TACR3: variants seen among roughly 807,000 people sequenced by gnomAD.
TACR3 encodes the protein neuromedin-K receptor.
TACR3 carries 34 observed loss-of-function variants against 35.0 expected under a neutral mutation model. The observed-to-expected ratio is 0.97, with a 90% CI of 0.74 to 1.30. The LOEUF (loss-of-function observed/expected upper bound fraction) is 1.30. TACR3 is among the 50% of genes most tolerant of loss of function. The pLI is 0.00. For synonymous variants in TACR3, 233 were observed against 221.1 expected (o/e 1.05, Z -0.48); for missense variants, 558 against 591.7 (o/e 0.94, Z 0.59).
intron 3 of TACR3, among the ~76,000 whole-genome samples, chr4:103,634,718 T>C (rs138844726): frequency 3.3e-4 from 51 of 152,252 alleles, no homozygotes; most frequent in Non-Finnish European, 6.3e-4. Context: ...AATAGCGTCC[T>C]CATTTTCTTA....
intron 1 of TACR3, among the ~76,000 whole-genome samples, chr4:103,661,764 A>G (rs981179924): frequency 2.0e-5 from 3 of 152,274 alleles, no homozygotes; most frequent in South Asian, 2.1e-4. Flanking sequence ...TCTCATGAAC[A>G]TGTTAGTGAT....
At chr4:103,659,111 G>A (rs1725787553) in intron 1 of TACR3, among the ~76,000 whole-genome samples, 1 of 152,152 alleles carries the variant, frequency 6.6e-6, no homozygotes, top group Non-Finnish European at 1.5e-5. Context: ...AGGCAGTAAT[G>A]CAGCACTGGG....
chr4:103,591,608 T>C lies in TACR3; in HGVS notation c.964A>G (p.Thr322Ala), dbSNP rs369387303. The change falls in exon 4 of 5, where the codon ACT becomes GCT. Residue 322 changes from threonine to alanine, a missense_variant. Physicochemically the swap from Thr to Ala is moderately conservative, Grantham distance 58. Coordinates refer to ENST00000304883, the MANE Select transcript of TACR3 (RefSeq NM_001059.3). ...WLPYHIYFIL[T>A]AIYQQLNRWK... The stretch of plus-strand genomic sequence containing the variant: ...CTATTTAGTTGTTGATAGATTGCAG[T>C]GAGAATGAAGTAAATATGATAGGGC... 3.1e-6 allele frequency: 5 copies of C among 1,613,658 alleles called. No homozygotes were observed. The African/African-American group carries it at 6.7e-5, about 22-fold the overall frequency.
At chr4:103,640,785 T>C (rs1015548011) in intron 3 of TACR3, among the ~76,000 whole-genome samples, 1 of 151,910 alleles carries the variant, frequency 6.6e-6, no homozygotes, top group Non-Finnish European at 1.5e-5. Flanking sequence ...TCATTAGTGT[T>C]AGTATATTTT....
At chr4:103,704,634 A>C (rs1000996894) in intron 1 of TACR3, among the ~76,000 whole-genome samples, 1 of 152,192 alleles carries the variant, frequency 6.6e-6, no homozygotes, top group African/African-American at 2.4e-5. Flanking sequence ...GCATGGGAGA[A>C]ACCAGCCCCA....
chr4:103,714,816 A>G (rs1723051561), intron 1 of TACR3, among the ~76,000 whole-genome samples: 1 of 152,178 alleles, frequency 6.6e-6, no homozygotes, highest in Non-Finnish European at 1.5e-5. Flanking sequence ...ACCACAATAC[A>G]TTTAGATAAT....
chr4:103,680,510 C>CATAT (rs200048229), intron 1 of TACR3, among the ~76,000 whole-genome samples: 73 of 127,454 alleles, frequency 5.7e-4, no homozygotes, highest in Middle Eastern at 3.7e-3. Context: ...CACACACACA[C>CATAT]ACATATATAT....
chr4:103,601,331 C>T lies in TACR3; in HGVS notation c.889-9648G>A, dbSNP rs183548130. On this transcript the variant is annotated intron_variant, in intron 3 of 4. Coordinates refer to ENST00000304883, the MANE Select transcript of TACR3 (RefSeq NM_001059.3). ...AATACAGCACACTGATGGGTCTTGACGCTATCCAATTTGCCAGTCTGAGTC... is the reference window on the plus strand; with the variant it reads ...AATACAGCACACTGATGGGTCTTGATGCTATCCAATTTGCCAGTCTGAGTC... 1.8e-3 allele frequency among the ~76,000 whole-genome samples: 266 copies of T among 151,274 alleles called. 1 individual carries two copies. The highest frequency in any genetic ancestry group is 0.014 in the Middle Eastern group (4 of 294).
At chr4:103,594,182 T>A (rs1578216777) in intron 3 of TACR3, among the ~76,000 whole-genome samples, 1 of 17,354 alleles carries the variant, frequency 5.8e-5, no homozygotes, top group Non-Finnish European at 1.7e-4. Flanking sequence ...AAAAATAACC[T>A]TTTTTTTTTT....
intron 3 of TACR3, among the ~76,000 whole-genome samples, chr4:103,634,832 A>C (rs966306216): frequency 6.6e-6 from 1 of 152,102 alleles, no homozygotes; most frequent in Non-Finnish European, 1.5e-5. Flanking sequence ...TTTCACATTT[A>C]TCCCTTTCCA....
At chr4:103,646,858 G>C (rs1325561240) in intron 3 of TACR3, among the ~76,000 whole-genome samples, 1 of 151,904 alleles carries the variant, frequency 6.6e-6, no homozygotes, top group Non-Finnish European at 1.5e-5. Context: ...CTAACTCTAA[G>C]AAGCATTACA....
chr4:103,607,857 G>C (rs573330462), intron 3 of TACR3, among the ~76,000 whole-genome samples: 1 of 152,148 alleles, frequency 6.6e-6, no homozygotes, highest in East Asian at 1.9e-4. Context: ...GCTATAACGT[G>C]GTCAGAAACA....
In TACR3 at chr4:103,638,820, C is replaced by T. The variant is rs1278541532; in HGVS notation, c.888+17374G>A. On this transcript the variant is annotated intron_variant, in intron 3 of 4. Coordinates refer to ENST00000304883, the MANE Select transcript of TACR3 (RefSeq NM_001059.3). ...TTCTCAAAAGAAGACATTTATGCAG[C>T]CAAAAAACACATGAAAAAATGCTCA... 3.9e-5 allele frequency among the ~76,000 whole-genome samples: 6 copies of T among 152,002 alleles called. 1 individual carries two copies. The East Asian group carries it at 1.2e-3, about 29-fold the overall frequency.
intron 3 of TACR3, among the ~76,000 whole-genome samples, chr4:103,640,602 CT>C (rs1344596357): frequency 6.6e-6 from 1 of 151,806 alleles, no homozygotes; most frequent in African/African-American, 2.4e-5. Context: ...CAAATTTTTT[CT>C]CCTAATCCAT....
chr4:103,606,788 C>T (rs1297297445), intron 3 of TACR3, among the ~76,000 whole-genome samples: 1 of 152,270 alleles, frequency 6.6e-6, no homozygotes, highest in East Asian at 1.9e-4. Flanking sequence ...TTGACTTCCT[C>T]TTTTCCTAAT....
chr4:103,705,421 C>T (rs959410090), intron 1 of TACR3, among the ~76,000 whole-genome samples: 1 of 152,032 alleles, frequency 6.6e-6, no homozygotes, highest in Non-Finnish European at 1.5e-5. Flanking sequence ...TGCATCCTTA[C>T]TATGTTCAAA....
At chr4:103,614,060 T>C (rs894604695) in intron 3 of TACR3, among the ~76,000 whole-genome samples, 6 of 152,222 alleles carry the variant, frequency 3.9e-5, no homozygotes, top group Non-Finnish European at 7.3e-5. Context: ...ATGGGTGTTA[T>C]GGCTTTAACA....
At chr4:103,674,243 C>G (rs1410792039) in intron 1 of TACR3, among the ~76,000 whole-genome samples, 2 of 151,306 alleles carry the variant, frequency 1.3e-5, no homozygotes, top group Non-Finnish European at 2.9e-5. Flanking sequence ...TACACAGTTT[C>G]TATGAGAAAA....
chr4:103,620,030 T>C (rs1280376147), intron 3 of TACR3, among the ~76,000 whole-genome samples: 3 of 151,500 alleles, frequency 2.0e-5, no homozygotes, highest in Non-Finnish European at 4.4e-5. Context: ...CTGGAATCTA[T>C]AGGGAACTTA....
Sources: allele counts gnomAD v4.1 joint callset (sites outside exome capture counted in the v4.1 genomes callset), GRCh38; gene constraint gnomAD v4.1.1; transcripts MANE v1.5; gene names NCBI Gene and HGNC (gene_info 2026-07-23, HGNC 2026-07-21).